The following PLEKHA6 variants were observed in gnomAD, a reference collection of about 807,000 sequenced individuals.
PLEKHA6 encodes pleckstrin homology domain-containing family A member 6.
A neutral mutation model predicts 116.7 loss-of-function variants in PLEKHA6; 60 were observed. The ratio of observed to expected loss-of-function variants is 0.51; its 90% CI spans 0.42 to 0.64. The LOEUF (loss-of-function observed/expected upper bound fraction) is 0.64. Ranked by LOEUF, PLEKHA6 falls within the 30% of genes least tolerant of loss-of-function variation. The pLI, the probability that PLEKHA6 is intolerant of heterozygous loss-of-function variation, is 0.00. For synonymous variants in PLEKHA6, 489 were observed against 556.1 expected (o/e 0.88, Z 1.70); for missense variants, 1,338 against 1,422.7 (o/e 0.94, Z 0.96).
intron 15 of PLEKHA6, chr1:204,243,066 G>A (rs544697088): frequency 8.5e-5 from 34 of 399,158 alleles, no homozygotes; most frequent in Middle Eastern, 1.3e-3. Flanking sequence ...CTGGCCCTTT[G>A]CCCATTGTCC....
At chr1:204,243,824 T>A (rs891852521) in intron 15 of PLEKHA6, among the ~76,000 whole-genome samples, 5 of 152,134 alleles carry the variant, frequency 3.3e-5, no homozygotes, top group Admixed American at 6.5e-5. Flanking sequence ...TTTCTTTTAT[T>A]ATTATTATTT....
chr1:204,259,837 G>A lies in PLEKHA6; in HGVS notation c.525-97C>T. ...GGGAAGAAGAGGAGTGGGGAAGGATGGGCAGGGAGGTGGCTGGAACCAGGA... is the reference window on the plus strand; with the variant it reads ...GGGAAGAAGAGGAGTGGGGAAGGATAGGCAGGGAGGTGGCTGGAACCAGGA... On this transcript the variant is annotated intron_variant, in intron 7 of 22. Coordinates refer to ENST00000272203, the MANE Select transcript of PLEKHA6 (RefSeq NM_014935.5). The surrounding 1 kb of genome is among the most constrained non-coding windows in gnomAD (Gnocchi z 4.6). The A allele has an allele frequency of 7.6e-7, 1 of 1,323,672 alleles. No individual in the cohort carries two copies. Among genetic ancestry groups the A allele is most frequent in the Non-Finnish European group, 1.0e-6 (1 of 978,322 alleles). The allele number at this position is 1,323,672 out of a possible 1,614,324, so 82.0% of individuals were successfully genotyped here.
intron 1 of PLEKHA6, chr1:204,282,736 C>T (rs1572054385): frequency 1.0e-6 from 1 of 985,356 alleles, no homozygotes; most frequent in Non-Finnish European, 1.2e-6. Context: ...TTCACCCTGA[C>T]CCAAATTGGA....
intron 1 of PLEKHA6, among the ~76,000 whole-genome samples, chr1:204,354,447 C>T (rs750100550): frequency 2.4e-4 from 36 of 152,234 alleles, no homozygotes; most frequent in Non-Finnish European, 4.3e-4. Context: ...ACCAATCCAC[C>T]TCAGCACCCA....
chr1:204,346,517 C>T (rs1253266543), intron 1 of PLEKHA6, among the ~76,000 whole-genome samples: 4 of 152,144 alleles, frequency 2.6e-5, no homozygotes, highest in Non-Finnish European at 4.4e-5. Context: ...CCCCACACCT[C>T]CATTTCTCTT....
chr1:204,300,609 T>C (rs1477724044), intron 1 of PLEKHA6, among the ~76,000 whole-genome samples: 1 of 152,188 alleles, frequency 6.6e-6, no homozygotes, highest in Non-Finnish European at 1.5e-5. Flanking sequence ...GTCCAGAAAG[T>C]ACCCCCCTAA....
chr1:204,310,505 T>G (rs1671617669), intron 1 of PLEKHA6, among the ~76,000 whole-genome samples: 2 of 152,228 alleles, frequency 1.3e-5, no homozygotes, highest in Admixed American at 1.3e-4. Flanking sequence ...CTCCCTCCCC[T>G]TCCCGCATTC....
chr1:204,319,260 C>T (rs1413032164), intron 1 of PLEKHA6, among the ~76,000 whole-genome samples: 1 of 152,164 alleles, frequency 6.6e-6, no homozygotes, highest in Non-Finnish European at 1.5e-5. Context: ...GGAGGAGGAG[C>T]AGGCTGTCAG....
At chr1:204,234,088 G>A (rs946421840) in intron 17 of PLEKHA6, among the ~76,000 whole-genome samples, 3 of 152,160 alleles carry the variant, frequency 2.0e-5, no homozygotes, top group African/African-American at 7.2e-5. Context: ...GGTCTCTGCA[G>A]ATGTAATTAA....
chr1:204,297,938 C>A, intron 1 of PLEKHA6: 8 of 979,980 alleles, frequency 8.2e-6, no homozygotes, highest in Non-Finnish European at 9.7e-6. Flanking sequence ...TGTCCTCCCC[C>A]TACTCCTCAT....
chr1:204,300,196 C>T (rs566796567), intron 1 of PLEKHA6, among the ~76,000 whole-genome samples: 1 of 152,236 alleles, frequency 6.6e-6, no homozygotes, highest in African/African-American at 2.4e-5. Context: ...CTAATGAAGA[C>T]CAGAGAGACT....
chr1:204,312,719 C>T (rs73077551), intron 1 of PLEKHA6, among the ~76,000 whole-genome samples: 2,417 of 152,278 alleles, frequency 0.016, 65 homozygotes, highest in African/African-American at 0.056. Context: ...GTGCTGGGGA[C>T]AGGCACAGAA....
chr1:204,365,607 G>T (rs539761137), intron 3 of PLEKHA6, among the ~76,000 whole-genome samples: 1 of 152,324 alleles, frequency 6.6e-6, no homozygotes, highest in Admixed American at 6.5e-5. Context: ...TCAGAAGAAA[G>T]CTCTGGGCTG....
chr1:204,234,400 G>A (rs1050457693), intron 17 of PLEKHA6, among the ~76,000 whole-genome samples: 2 of 152,162 alleles, frequency 1.3e-5, no homozygotes, highest in Non-Finnish European at 2.9e-5. Flanking sequence ...ATTGTTTTAA[G>A]CCTCCTGGTT....
At chr1:204,235,717 C>G (rs1252627151) in intron 17 of PLEKHA6, among the ~76,000 whole-genome samples, 2 of 135,292 alleles carry the variant, frequency 1.5e-5, no homozygotes. Flanking sequence ...GTAGGAGGAC[C>G]CTGATGAAGC....
chr1:204,285,065 T>C (rs1669010117), intron 1 of PLEKHA6, among the ~76,000 whole-genome samples: 1 of 152,246 alleles, frequency 6.6e-6, no homozygotes, highest in East Asian at 1.9e-4. Flanking sequence ...CTAGTTACAC[T>C]AGCCACATTT....
chr1:204,292,274 A>T (rs1353797484), intron 1 of PLEKHA6, among the ~76,000 whole-genome samples: 1 of 152,240 alleles, frequency 6.6e-6, no homozygotes, highest in Non-Finnish European at 1.5e-5. Flanking sequence ...TGGTCTTATG[A>T]GGTGGGCAGA....
chr1:204,254,765 A>G (rs1381224883), intron 9 of PLEKHA6, among the ~76,000 whole-genome samples: 1 of 152,074 alleles, frequency 6.6e-6, no homozygotes, highest in Non-Finnish European at 1.5e-5. Context: ...AGCTGTTGTT[A>G]TTATTATTAT....
intron 1 of PLEKHA6, among the ~76,000 whole-genome samples, chr1:204,374,201 G>A (rs1460644096): frequency 6.6e-6 from 1 of 152,158 alleles, no homozygotes; most frequent in Non-Finnish European, 1.5e-5. Flanking sequence ...GTCACAGGCT[G>A]TCTCCACTCC....
Sources: gnomAD v4.1 joint callset for allele counts (sites outside exome capture counted in the v4.1 genomes callset) on GRCh38, gnomAD v4.1.1 for gene constraint, Gnocchi (gnomAD v3.1) non-coding constraint, MANE v1.5 for transcripts, NCBI Gene and HGNC (gene_info 2026-07-23, HGNC 2026-07-21) for gene names.